Variants in GDAP2 observed in about 807,000 individuals in gnomAD.
GDAP2 encodes ganglioside induced differentiation associated protein 2.
Under a neutral mutation model 67.0 loss-of-function variants are expected in GDAP2, and 51 were observed. The observed-to-expected ratio is 0.76, with a 90% CI of 0.61 to 0.96. The LOEUF (loss-of-function observed/expected upper bound fraction) is 0.96, where lower values mean the gene tolerates loss of function less well. Ranked by LOEUF, GDAP2 falls within the 40% of genes least tolerant of loss-of-function variation. GDAP2 has a pLI of 0.00. For missense variants in GDAP2, 547 were observed against 588.3 expected (o/e 0.93, Z 0.73); for synonymous variants, 203 against 207.3 (o/e 0.98, Z 0.18).
chr1:117,910,238 G>C (rs1362055097), intron 5 of GDAP2, among the ~76,000 whole-genome samples: 5 of 151,802 alleles, frequency 3.3e-5, no homozygotes, highest in Non-Finnish European at 5.9e-5. Flanking sequence ...CCTCATAACA[G>C]GAGAAATTTC....
intron 13 of GDAP2, among the ~76,000 whole-genome samples, chr1:117,873,406 T>G (rs1160218237): frequency 6.6e-6 from 1 of 151,930 alleles, no homozygotes; most frequent in Non-Finnish European, 1.5e-5. Flanking sequence ...CCACTGAAAC[T>G]TGGGTTTCTT....
At chr1:117,897,832 G>C (rs1460070686) in intron 7 of GDAP2, among the ~76,000 whole-genome samples, 1 of 152,180 alleles carries the variant, frequency 6.6e-6, no homozygotes, top group Non-Finnish European at 1.5e-5. Flanking sequence ...CAGGCCAATA[G>C]ATTGGAAGGG....
In GDAP2 at chr1:117,927,400, G is replaced by A. The variant is rs559071204; in HGVS notation, c.-68+2048C>T. The stretch of plus-strand genomic sequence containing the variant: ...CTTTTTTTCTGGATAGAAAGAAAAT[G>A]ATATCATTTAAGAGAGAAAAATGGT... On this transcript the variant is annotated intron_variant, in intron 1 of 13. Coordinates refer to ENST00000369443, the MANE Select transcript of GDAP2 (RefSeq NM_017686.4). 5.3e-5 allele frequency among the ~76,000 whole-genome samples: 8 copies of A among 152,124 alleles called. No homozygotes were observed. In the East Asian group the frequency reaches 1.5e-3, roughly 29 times the overall value.
rs142082571 is a variant in GDAP2, at chr1:117,869,210, CA to C, written c.*1358del. The C allele has an allele frequency of 0.024, 3,680 of 151,780 alleles. 144 individuals carry two copies. Among genetic ancestry groups the C allele is most frequent in the African/African-American group, 0.082 (3,391 of 41,324 alleles). The allele number at this position is 151,780 out of a possible 1,614,324, so 9.4% of individuals were successfully genotyped here. On this transcript the variant is annotated 3_prime_UTR_variant, in exon 14 of 14. Transcript: ENST00000369443. ...GTGGCTGTAGGAATCAAAAAAAGTA[CA>C]AAGCTACCCAGATGGGAATAATAAT...
chr1:117,908,835 ATAAAT>A (rs1557806015), intron 5 of GDAP2, among the ~76,000 whole-genome samples: 2 of 146,684 alleles, frequency 1.4e-5, no homozygotes, highest in African/African-American at 5.5e-5. Context: ...AAAAAAATAA[ATAAAT>A]AAATAAATAA....
At chr1:117,878,223 A>C (rs1648531266) in intron 12 of GDAP2, 71 bp from the exon 13 acceptor site, 1 of 742,384 alleles carries the variant, frequency 1.3e-6, no homozygotes, top group African/African-American at 1.8e-5. Flanking sequence ...AATTTGGAAA[A>C]TTTATAGTAG....
rs1046120169 is a variant in GDAP2, at chr1:117,865,009, G to A, written c.*5560C>T. 2 of 152,186 alleles carry A rather than the reference G, an allele frequency of 1.3e-5. No individual in the cohort carries two copies. Among genetic ancestry groups the A allele is most frequent in the South Asian group, 2.1e-4 (1 of 4,830 alleles). 9.4% of individuals were successfully genotyped at this position (152,186 alleles called of 1,614,324 possible). Reference sequence around the variant, plus strand: ...ACTCTAACTATGGTCTGGGGACCAGGAGAATTGATAACACCTAAGAGCTTG... The same window carrying A: ...ACTCTAACTATGGTCTGGGGACCAGAAGAATTGATAACACCTAAGAGCTTG... On this transcript the variant is annotated 3_prime_UTR_variant, in exon 14 of 14. Coordinates refer to ENST00000369443, the MANE Select transcript of GDAP2 (RefSeq NM_017686.4).
intron 8 of GDAP2, among the ~76,000 whole-genome samples, chr1:117,893,169 C>G (rs1649150517): frequency 6.6e-6 from 1 of 152,036 alleles, no homozygotes; most frequent in South Asian, 2.1e-4. Context: ...ATAAGAGTCA[C>G]AGGCAATTGA....
chr1:117,878,721 C>T (rs1648552540), intron 12 of GDAP2, among the ~76,000 whole-genome samples: 1 of 152,142 alleles, frequency 6.6e-6, no homozygotes, highest in Non-Finnish European at 1.5e-5. Flanking sequence ...CATGCAATCC[C>T]TCTCTAAAAG....
chr1:117,925,908 C>T (rs1650427606), intron 1 of GDAP2, among the ~76,000 whole-genome samples: 1 of 152,194 alleles, frequency 6.6e-6, no homozygotes, highest in Admixed American at 6.5e-5. Flanking sequence ...GTATATTCCA[C>T]ACGTTTAAGC....
intron 13 of GDAP2, 62 bp downstream of exon 13, chr1:117,877,947 G>T: frequency 6.4e-7 from 1 of 1,571,220 alleles, no homozygotes; most frequent in South Asian, 1.2e-5. Flanking sequence ...GCTCGTAAGT[G>T]CTGCTCTATA....
intron 13 of GDAP2, chr1:117,877,429 T>C: frequency 1.0e-6 from 1 of 976,252 alleles, no homozygotes; most frequent in Non-Finnish European, 1.2e-6. Flanking sequence ...TAAGGTGATA[T>C]CATGAATAAA....
chr1:117,927,521 C>T (rs1274542036), intron 1 of GDAP2, among the ~76,000 whole-genome samples: 1 of 152,128 alleles, frequency 6.6e-6, no homozygotes, highest in African/African-American at 2.4e-5. Context: ...ATGCACTTGA[C>T]CGCCATTAAT....
At chr1:117,894,912 T>C (rs1478248978) in intron 8 of GDAP2, among the ~76,000 whole-genome samples, 7 of 152,218 alleles carry the variant, frequency 4.6e-5, no homozygotes, top group Non-Finnish European at 1.0e-4. Flanking sequence ...TAAATACTTT[T>C]CTGATGAGAT....
In GDAP2 at chr1:117,867,867, A is replaced by G. The variant is rs1190373111; in HGVS notation, c.*2702T>C. 1 of 152,254 alleles carries G rather than the reference A, an allele frequency of 6.6e-6. No homozygotes were observed. Among genetic ancestry groups the G allele is most frequent in the Non-Finnish European group, 1.5e-5 (1 of 68,048 alleles). The allele number at this position is 152,254 out of a possible 1,614,324, so 9.4% of individuals were successfully genotyped here. A position where few individuals can be genotyped will look rare whatever the true frequency, so the allele number is the denominator to read the frequency against. On this transcript the variant is annotated 3_prime_UTR_variant, in exon 14 of 14. Transcript: ENST00000369443. ...TTTCACTATCAAGAAACTTGGATAT[A>G]GATGAATTAAGAACCCAAATACACG...
At chr1:117,913,184 C>T (rs142180045) in intron 3 of GDAP2, among the ~76,000 whole-genome samples, 12 of 152,160 alleles carry the variant, frequency 7.9e-5, no homozygotes, top group Middle Eastern at 3.4e-3. Flanking sequence ...CAGGATTAAA[C>T]GAGTTACTAT....
intron 2 of GDAP2, among the ~76,000 whole-genome samples, chr1:117,919,754 C>A (rs1650176629): frequency 6.6e-6 from 1 of 152,128 alleles, no homozygotes; most frequent in Non-Finnish European, 1.5e-5. Context: ...ATACACACAA[C>A]ACAGATGAAC....
At chr1:117,900,892 C>T (rs1377489930) in intron 6 of GDAP2, among the ~76,000 whole-genome samples, 1 of 151,776 alleles carries the variant, frequency 6.6e-6, no homozygotes, top group Non-Finnish European at 1.5e-5. Context: ...AACCCCGTCT[C>T]TACTAAAAAT....
chr1:117,907,913 T>C (rs1210309074), intron 5 of GDAP2, among the ~76,000 whole-genome samples: 1 of 152,192 alleles, frequency 6.6e-6, no homozygotes, highest in Non-Finnish European at 1.5e-5. Flanking sequence ...TGACTCTCTA[T>C]ACTCCAACGC....
Sources: gnomAD v4.1 joint callset for allele counts (sites outside exome capture counted in the v4.1 genomes callset) on GRCh38, gnomAD v4.1.1 for gene constraint, MANE v1.5 for transcripts, NCBI Gene and HGNC (gene_info 2026-07-23, HGNC 2026-07-21) for gene names.